NUDT13: variants seen among roughly 807,000 people sequenced by gnomAD.
NUDT13 encodes the protein nudix hydrolase 13.
A neutral mutation model predicts 41.7 loss-of-function variants in NUDT13; 40 were observed. The ratio of observed to expected loss-of-function variants is 0.96; its 90% CI spans 0.75 to 1.25. The LOEUF is 1.25. NUDT13 is among the 50% of genes most tolerant of loss of function. The probability of loss-of-function intolerance (pLI) is 0.00; values close to 1 mark genes in which losing one functional copy is unlikely to be tolerated. For missense variants in NUDT13, 390 were observed against 416.1 expected, an observed-to-expected ratio of 0.94 and a Z score of 0.55; for synonymous variants, 145 against 155.5, an observed-to-expected ratio of 0.93 and a Z score of 0.50.
chr10:73,119,877 T>G, intron 2 of NUDT13, 141 bp from the exon 3 acceptor site: 1 of 902,448 alleles, frequency 1.1e-6, no homozygotes, highest in East Asian at 2.5e-5. Context: ...TCAAACCCTT[T>G]TTGGAGCAAA....
chr10:73,113,590 C>G (rs1166806940), intron 1 of NUDT13, among the ~76,000 whole-genome samples: 1 of 152,092 alleles, frequency 6.6e-6, no homozygotes, highest in African/African-American at 2.4e-5. Context: ...GGATTTTCAT[C>G]TTTTACATTT....
At chr10:73,122,121 T>C in intron 3 of NUDT13, 54 bp from the exon 4 acceptor site, 1 of 1,578,430 alleles carries the variant, frequency 6.3e-7, no homozygotes, top group South Asian at 1.2e-5. Flanking sequence ...GCTGTAGTGA[T>C]TTAATAGAAA....
intron 4 of NUDT13, among the ~76,000 whole-genome samples, chr10:73,122,987 G>A (rs1022320789): frequency 4.1e-5 from 6 of 146,982 alleles, no homozygotes; most frequent in South Asian, 2.1e-4. Context: ...CACAACCTTC[G>A]CCTCCCAGGT....
At chr10:73,124,942 G>A (rs1436625644) in intron 5 of NUDT13, 176 bp from the exon 6 acceptor site, 1 of 561,744 alleles carries the variant, frequency 1.8e-6, no homozygotes, top group Non-Finnish European at 3.0e-6. Context: ...GATGCTAGAG[G>A]AATATGTTCA....
intron 4 of NUDT13, 75 bp downstream of exon 4, chr10:73,122,384 A>G (rs1308285432): frequency 1.4e-6 from 2 of 1,431,226 alleles, no homozygotes; most frequent in South Asian, 1.4e-5. Context: ...GGTAAAATTT[A>G]AAGGAAAATT....
rs1371082911 is a variant in NUDT13, at chr10:73,120,170, T to TG, written c.223+15dup. ...CACAGCCTGTTAGGTAAGTCCAGAGTGGACCAGTGGCGTTGACCAGCCTGT... is the reference window on the plus strand; with the variant it reads ...CACAGCCTGTTAGGTAAGTCCAGAGTGGGACCAGTGGCGTTGACCAGCCTGT... On this transcript the variant is annotated intron_variant, in intron 3 of 8. Transcript: ENST00000357321. The TG allele has an allele frequency of 2.5e-6, 4 of 1,611,714 alleles. No individual in the cohort carries two copies. Among genetic ancestry groups the TG allele is most frequent in the Non-Finnish European group, 2.5e-6 (3 of 1,178,732 alleles).
Position 73,125,485 on chromosome 10 carries a change from G to A in NUDT13, c.679G>A (p.Ala227Thr). 1 of 1,604,932 alleles carries A rather than the reference G, an allele frequency of 6.2e-7. No individual in the cohort carries two copies. The highest frequency in any genetic ancestry group is 8.5e-7 in the Non-Finnish European group (1 of 1,175,962). ...QSSFPKGMYS[A>T]LAGFCDIGES... ...CTCCTTTCCCAAGGGAATGTATTCTGCCTTGGCAGGTTTTTGTGATATAGG... is the reference window on the plus strand; with the variant it reads ...CTCCTTTCCCAAGGGAATGTATTCTACCTTGGCAGGTTTTTGTGATATAGG... Residue 227 changes from alanine to threonine, a missense_variant, in exon 7 of 9, where the codon GCC becomes ACC. Transcript: ENST00000357321.
At chr10:73,114,336 C>A in intron 1 of NUDT13, 21 bp from the exon 2 acceptor site, 1 of 1,181,806 alleles carries the variant, frequency 8.5e-7, no homozygotes, top group Non-Finnish European at 1.2e-6. Context: ...TTTTTTAAAA[C>A]TCCTTTTTTT....
In NUDT13 at chr10:73,131,712, GA is replaced by G. The variant is rs1842921874; in HGVS notation, c.*810del. The G allele has an allele frequency of 6.6e-6, 1 of 152,126 alleles. No individual in the cohort carries two copies. Among genetic ancestry groups the G allele is most frequent in the South Asian group, 2.1e-4 (1 of 4,828 alleles). 9.4% of individuals were successfully genotyped at this position (152,126 alleles called of 1,614,324 possible). Reference sequence around the variant, plus strand: ...GTGGAGATAAACAGATGCCAAACCTGACCTATTTCTTAAACTTTATGGAATA... The same window carrying G: ...GTGGAGATAAACAGATGCCAAACCTGCCTATTTCTTAAACTTTATGGAATA... On this transcript the variant is annotated 3_prime_UTR_variant, in exon 9 of 9. Transcript: ENST00000357321.
At chr10:73,111,351 C>G (rs772524914) in intron 1 of NUDT13, among the ~76,000 whole-genome samples, 86 of 152,070 alleles carry the variant, frequency 5.7e-4, no homozygotes, top group Non-Finnish European at 8.7e-4. Flanking sequence ...TCAAGATGGG[C>G]TTTTTTTGTT....
rs1042565895 is a variant in NUDT13, at chr10:73,131,737, T to A, written c.*834T>A. 2.6e-5 allele frequency: 4 copies of A among 152,244 alleles called. No individual in the cohort carries two copies. The highest frequency in any genetic ancestry group is 5.9e-5 in the Non-Finnish European group (4 of 68,036). 9.4% of individuals were successfully genotyped at this position (152,244 alleles called of 1,614,324 possible). Reference sequence around the variant, plus strand: ...GACCTATTTCTTAAACTTTATGGAATAAACTAAATTTAGGATTTCTCATCA... The same window carrying A: ...GACCTATTTCTTAAACTTTATGGAAAAAACTAAATTTAGGATTTCTCATCA... On this transcript the variant is annotated 3_prime_UTR_variant, in exon 9 of 9. Coordinates refer to ENST00000357321, the MANE Select transcript of NUDT13 (RefSeq NM_015901.6).
chr10:73,116,876 ATTTT>A (rs56229464), intron 2 of NUDT13, among the ~76,000 whole-genome samples: 12 of 81,858 alleles, frequency 1.5e-4, no homozygotes, highest in African/African-American at 5.4e-4. Context: ...GACTACAAGA[ATTTT>A]TTTTTTTTTT....
intron 3 of NUDT13, among the ~76,000 whole-genome samples, chr10:73,121,176 C>G (rs1483558082): frequency 3.9e-5 from 6 of 152,208 alleles, no homozygotes; most frequent in Admixed American, 3.3e-4. Context: ...GAGTTCAAAA[C>G]CAGCCTGGGC....
chr10:73,116,332 T>A (rs956447502), intron 2 of NUDT13, among the ~76,000 whole-genome samples: 3 of 152,036 alleles, frequency 2.0e-5, no homozygotes, highest in Non-Finnish European at 4.4e-5. Context: ...TAAGTAGTAA[T>A]CTTGGACTGA....
intron 1 of NUDT13, among the ~76,000 whole-genome samples, chr10:73,112,278 G>A (rs1359077376): frequency 2.6e-5 from 4 of 152,080 alleles, no homozygotes; most frequent in South Asian, 4.1e-4. Flanking sequence ...GCTTGAACCC[G>A]GGAGGTGGAG....
chr10:73,127,737 T>C (rs1842827370), intron 8 of NUDT13, among the ~76,000 whole-genome samples: 1 of 151,358 alleles, frequency 6.6e-6, no homozygotes, highest in Non-Finnish European at 1.5e-5. Flanking sequence ...CACCCCACTT[T>C]TTTTTTTTTT....
At chr10:73,119,930 G>C (rs778550420) in intron 2 of NUDT13, 88 bp from the exon 3 acceptor site, 2 of 1,312,986 alleles carry the variant, frequency 1.5e-6, no homozygotes, top group African/African-American at 1.5e-5. Context: ...TGGTAAGAGA[G>C]GGATGCAGCG....
chr10:73,130,637 T>G, intron 8 of NUDT13, 66 bp from the exon 9 acceptor site: 8 of 1,292,836 alleles, frequency 6.2e-6, no homozygotes, highest in Admixed American at 1.7e-5. Flanking sequence ...TTTCTGACCT[T>G]TGGCCATAGT....
intron 4 of NUDT13, 145 bp from the exon 5 acceptor site, chr10:73,124,069 T>C (rs1024364957): frequency 1.1e-5 from 7 of 609,644 alleles, no homozygotes; most frequent in Non-Finnish European, 2.0e-5. Flanking sequence ...CCTGAGTAGC[T>C]GGGACTACAG....
Sources: gnomAD v4.1 joint callset for allele counts (sites outside exome capture counted in the v4.1 genomes callset) on GRCh38, gnomAD v4.1.1 for gene constraint, MANE v1.5 for transcripts, NCBI Gene and HGNC (gene_info 2026-07-23, HGNC 2026-07-21) for gene names.